Variants in FAM53B observed in about 807,000 individuals in gnomAD.
FAM53B encodes the protein protein FAM53B.
A neutral mutation model predicts 32.7 loss-of-function variants in FAM53B; 12 were observed. That is an observed-to-expected ratio of 0.37 (90% CI 0.24 to 0.59). The LOEUF (loss-of-function observed/expected upper bound fraction) is 0.59, where lower values mean the gene tolerates loss of function less well. FAM53B is among the 20% of genes least tolerant of loss of function. The pLI is 0.72. For synonymous variants in FAM53B, 234 were observed against 228.7 expected (o/e 1.02, Z -0.21); for missense variants, 477 against 577.7 (o/e 0.83, Z 1.79).
chr10:124,683,188 A>C (rs1949783657), intron 3 of FAM53B, among the ~76,000 whole-genome samples: 1 of 152,198 alleles, frequency 6.6e-6, no homozygotes, highest in South Asian at 2.1e-4. Flanking sequence ...GAAATGCTAC[A>C]TTTGCACACG....
intron 2 of FAM53B, among the ~76,000 whole-genome samples, chr10:124,697,970 G>A (rs1266307837): frequency 1.3e-5 from 2 of 152,114 alleles, no homozygotes; most frequent in Non-Finnish European, 2.9e-5. Context: ...AGAACACACC[G>A]AAGTCATCCA....
intron 4 of FAM53B, among the ~76,000 whole-genome samples, chr10:124,648,485 C>T (rs1432740843): frequency 3.9e-5 from 6 of 152,204 alleles, no homozygotes; most frequent in African/African-American, 1.2e-4. Context: ...TTGGGAGCCT[C>T]CCCCATCTGT....
chr10:124,704,599 T>A (rs985084213), intron 2 of FAM53B, among the ~76,000 whole-genome samples: 1 of 152,134 alleles, frequency 6.6e-6, no homozygotes, highest in African/African-American at 2.4e-5. Context: ...TGAGGCAGGC[T>A]CACGCTTGGC....
rs184835971 is a variant in FAM53B, at chr10:124,725,338, G to A, written c.-174-18451C>T. 1.5e-3 allele frequency among the ~76,000 whole-genome samples: 232 copies of A among 152,318 alleles called. 1 individual carries two copies. Among genetic ancestry groups the A allele is most frequent in the African/African-American group, 5.5e-3 (227 of 41,556 alleles). On this transcript the variant is annotated intron_variant, in intron 1 of 4. Coordinates refer to ENST00000337318, the MANE Select transcript of FAM53B (RefSeq NM_014661.4). ...AGGGTCTCTCACCTCCAGCAGCCCC[G>A]GCTGGGCTCAGGTGTCATCAGGGAA... is the stretch of plus-strand genomic sequence containing the variant.
chr10:124,666,671 C>A lies in FAM53B; in HGVS notation c.906+14936G>T, dbSNP rs79249626. ...TCTCCCCAGCCCTGCCCCGGCCACA[C>A]GCCAGGAACAGCAGGCTAAGCAGGG... On this transcript the variant is annotated intron_variant, in intron 4 of 4. Coordinates refer to ENST00000337318, the MANE Select transcript of FAM53B (RefSeq NM_014661.4). 7.1e-3 allele frequency among the ~76,000 whole-genome samples: 1,076 copies of A among 152,344 alleles called. 19 individuals are homozygous for A. Among genetic ancestry groups the A allele is most frequent in the African/African-American group, 0.024 (1,012 of 41,574 alleles).
intron 4 of FAM53B, among the ~76,000 whole-genome samples, chr10:124,631,666 T>C (rs1310395975): frequency 6.6e-6 from 1 of 152,192 alleles, no homozygotes; most frequent in East Asian, 1.9e-4. Context: ...CCTCAGGCTC[T>C]GCTTCCTGGG....
chr10:124,657,078 ATATG>A (rs1202513172), intron 4 of FAM53B, among the ~76,000 whole-genome samples: 4 of 135,718 alleles, frequency 2.9e-5, no homozygotes, highest in African/African-American at 1.1e-4. Context: ...ATATGTATAT[ATATG>A]TGTGTGTATA....
At chr10:124,706,156 A>T (rs1275651053) in intron 2 of FAM53B, among the ~76,000 whole-genome samples, 2 of 152,056 alleles carry the variant, frequency 1.3e-5, no homozygotes, top group East Asian at 1.9e-4. Flanking sequence ...TCCAGGGTGA[A>T]CCACCTTTGG....
chr10:124,716,833 G>A lies in FAM53B; in HGVS notation c.-174-9946C>T, dbSNP rs377426933. Reference sequence around the variant, plus strand: ...CCGAGTGGCCACAGAGCTAGATGCCGCCTTCTGCTCCAAACCGGGGGAAGG... The same window carrying A: ...CCGAGTGGCCACAGAGCTAGATGCCACCTTCTGCTCCAAACCGGGGGAAGG... On this transcript the variant is annotated intron_variant, in intron 1 of 4. Transcript: ENST00000337318. Among the ~76,000 whole-genome samples, 42 of 152,014 alleles carry A rather than the reference G, an allele frequency of 2.8e-4. 2 individuals carry two copies. In the South Asian group the frequency reaches 7.3e-3, roughly 26 times the overall value.
chr10:124,675,869 A>G (rs1224904487), intron 4 of FAM53B, among the ~76,000 whole-genome samples: 1 of 152,234 alleles, frequency 6.6e-6, no homozygotes, highest in Admixed American at 6.5e-5. Context: ...TAGAGGCTTC[A>G]TCCTCAAGTG....
In FAM53B at chr10:124,733,895, C is replaced by A. The variant is rs1021796127; in HGVS notation, c.-175+10118G>T. On this transcript the variant is annotated intron_variant, in intron 1 of 4. Coordinates refer to ENST00000337318, the MANE Select transcript of FAM53B (RefSeq NM_014661.4). The surrounding 1 kb of genome is among the most constrained non-coding windows in gnomAD (Gnocchi z 4.3). ...TCCGCTCCCCTCTGAAATCTACACT[C>A]GTCTCACTCAGGCTCCAGGTCTCCC... Among the ~76,000 whole-genome samples, 3 of 152,240 alleles carry A rather than the reference C, an allele frequency of 2.0e-5. No individual in the cohort carries two copies. Among genetic ancestry groups the A allele is most frequent in the African/African-American group, 7.2e-5 (3 of 41,462 alleles).
chr10:124,664,504 A>T (rs549998163), intron 4 of FAM53B, among the ~76,000 whole-genome samples: 1 of 152,328 alleles, frequency 6.6e-6, no homozygotes, highest in East Asian at 1.9e-4. Flanking sequence ...CCTTTCTACC[A>T]GGGGCTACAA....
chr10:124,731,048 C>T (rs966800577), intron 1 of FAM53B, among the ~76,000 whole-genome samples: 1 of 152,174 alleles, frequency 6.6e-6, no homozygotes, highest in African/African-American at 2.4e-5. Context: ...GTTTGCCAAT[C>T]CTAAAGTTGG....
intron 1 of FAM53B, among the ~76,000 whole-genome samples, chr10:124,722,787 C>T (rs770810285): frequency 6.6e-6 from 1 of 152,166 alleles, no homozygotes; most frequent in Non-Finnish European, 1.5e-5. Flanking sequence ...ACAACAGGAG[C>T]TCCCCCCAGG....
chr10:124,664,436 C>T (rs917800687), intron 4 of FAM53B, among the ~76,000 whole-genome samples: 1 of 152,238 alleles, frequency 6.6e-6, no homozygotes, highest in Non-Finnish European at 1.5e-5. Flanking sequence ...GGAGCTTCAA[C>T]ACTGGGCCGG....
chr10:124,635,407 G>A (rs528686743), intron 4 of FAM53B, among the ~76,000 whole-genome samples: 3 of 152,204 alleles, frequency 2.0e-5, no homozygotes, highest in African/African-American at 7.2e-5. Context: ...TTTTAAAAGG[G>A]CAAATGAAAA....
intron 4 of FAM53B, among the ~76,000 whole-genome samples, chr10:124,666,215 A>G (rs1459164207): frequency 1.3e-5 from 2 of 152,246 alleles, no homozygotes; most frequent in Non-Finnish European, 2.9e-5. Context: ...GGGGCAAACC[A>G]GAGCCACAAA....
chr10:124,679,520 C>T (rs1949755592), intron 4 of FAM53B, among the ~76,000 whole-genome samples: 1 of 152,260 alleles, frequency 6.6e-6, no homozygotes, highest in Admixed American at 6.5e-5. Flanking sequence ...AGAGCCAAAG[C>T]AGGCAGAGCC....
At chr10:124,627,490 T>G (rs1424192264) in intron 4 of FAM53B, among the ~76,000 whole-genome samples, 1 of 152,160 alleles carries the variant, frequency 6.6e-6, no homozygotes, top group Non-Finnish European at 1.5e-5. Context: ...GGACCAACTG[T>G]CCCCCAGCCC....
Sources: gnomAD v4.1 joint callset for allele counts (sites outside exome capture counted in the v4.1 genomes callset) on GRCh38, gnomAD v4.1.1 for gene constraint, Gnocchi (gnomAD v3.1) non-coding constraint, MANE v1.5 for transcripts, NCBI Gene and HGNC (gene_info 2026-07-23, HGNC 2026-07-21) for gene names.